Variants in LAMP5 observed in about 807,000 individuals in gnomAD.
LAMP5 encodes the protein lysosome-associated membrane glycoprotein 5.
A neutral mutation model predicts 30.2 loss-of-function variants in LAMP5; 36 were observed. The observed-to-expected ratio is 1.19, with a 90% confidence interval of 0.91 to 1.57. LAMP5 has a LOEUF of 1.57. Among genes scored for constraint, LAMP5 ranks in the 40% most tolerant of loss-of-function variants. LAMP5 has a pLI of 0.00. For missense variants in LAMP5, 377 were observed against 354.9 expected (o/e 1.06, Z -0.50); for synonymous variants, 149 against 134.6 (o/e 1.11, Z -0.74).
intron 4 of LAMP5, among the ~76,000 whole-genome samples, chr20:9,516,615 T>G (rs948737842): frequency 2.0e-5 from 3 of 152,022 alleles, no homozygotes; most frequent in Non-Finnish European, 2.9e-5. Flanking sequence ...AGATAAGAAG[T>G]CCCTTGAAGG....
rs186414732 is a variant in LAMP5 at position 9,515,644 on chromosome 20, C to A, written c.237+19C>A. The A allele has an allele frequency of 1.7e-5, 27 of 1,611,896 alleles. No individual in the cohort carries two copies. Among genetic ancestry groups the A allele is most frequent in the African/African-American group, 4.0e-5 (3 of 74,854 alleles). On this transcript the variant is annotated intron_variant, in intron 2 of 5. Transcript: ENST00000246070. ...CGTAGATGTAAGGAATCTTTCCCCC[C>A]CCTCAGCTTGCTCCTAGGGCTCCAG...
chr20:9,525,306 A>C (rs1054641688), intron 5 of LAMP5, among the ~76,000 whole-genome samples: 1 of 152,224 alleles, frequency 6.6e-6, no homozygotes, highest in Non-Finnish European at 1.5e-5. Context: ...TAAATGTATA[A>C]GACTTCTATC....
chr20:9,516,236 G>T lies in LAMP5; in HGVS notation c.370-20G>T, dbSNP rs1354135009. ...CAGACGCTGCGGGGACGATTGAAGC[G>T]CACCTCCCCGGCTCAACAGGAAAGC... On this transcript the variant is annotated intron_variant, in intron 3 of 5. Coordinates refer to ENST00000246070, the MANE Select transcript of LAMP5 (RefSeq NM_012261.4). 10 of 1,613,302 alleles carry T rather than the reference G, an allele frequency of 6.2e-6. No homozygotes were observed. Among genetic ancestry groups the T allele is most frequent in the Non-Finnish European group, 8.5e-6 (10 of 1,179,272 alleles).
intron 5 of LAMP5, among the ~76,000 whole-genome samples, chr20:9,526,858 G>A (rs989314010): frequency 2.2e-5 from 2 of 90,638 alleles, no homozygotes; most frequent in Non-Finnish European, 2.3e-5. Context: ...ATGTGTGTGT[G>A]TGTATATATA....
chr20:9,518,317 A>T (rs1302057124), intron 5 of LAMP5, 89 bp downstream of exon 5: 8 of 1,168,022 alleles, frequency 6.8e-6, no homozygotes, highest in African/African-American at 1.5e-5. Context: ...GGATGTTACC[A>T]CTTGGATTTC....
At chr20:9,524,308 A>T (rs1024517162) in intron 5 of LAMP5, among the ~76,000 whole-genome samples, 2 of 152,316 alleles carry the variant, frequency 1.3e-5, no homozygotes, top group South Asian at 2.1e-4. Flanking sequence ...CACAAAAAAG[A>T]TTACAACCTT....
At chr20:9,524,595 T>TAAAA (rs748114210) in intron 5 of LAMP5, among the ~76,000 whole-genome samples, 1,156 of 80,154 alleles carry the variant, frequency 0.014, 5 homozygotes, top group Non-Finnish European at 0.022. Context: ...CAGATCGAAC[T>TAAAA]AAAAAAAAAA....
chr20:9,529,902 A>G lies in LAMP5; in HGVS notation c.*82A>G, dbSNP rs2045139309. The G allele has an allele frequency of 5.9e-6, 8 of 1,356,808 alleles. No individual in the cohort carries two copies. Among genetic ancestry groups the G allele is most frequent in the Non-Finnish European group, 7.2e-6 (7 of 967,676 alleles). 84.0% of individuals were successfully genotyped at this position (1,356,808 alleles called of 1,614,324 possible). ...ACAAAAGCACTTTTCCATCTTGTAC[A>G]CGAGATACACCAACATAGCTACAAT... On this transcript the variant is annotated 3_prime_UTR_variant, in exon 6 of 6. Transcript: ENST00000246070.
chr20:9,515,541 G>A lies in LAMP5; in HGVS notation c.153G>A (p.Arg51=). ...CTGAAAAAGATATATTTGTGGTGCG[G>A]GAAAATGGGACGACGTGTCTCATGG... ...TNPEKDIFVV[R]ENGTTCLMAE... Residue 51 remains arginine (R), a synonymous_variant, in exon 2 of 6, where the codon CGG becomes CGA. Coordinates refer to ENST00000246070, the MANE Select transcript of LAMP5 (RefSeq NM_012261.4). The A allele has an allele frequency of 6.2e-7, 1 of 1,614,184 alleles. No individual in the cohort carries two copies. The highest frequency in any genetic ancestry group is 8.5e-7 in the Non-Finnish European group (1 of 1,180,032).
chr20:9,524,847 G>T (rs1158119818), intron 5 of LAMP5, among the ~76,000 whole-genome samples: 1 of 152,138 alleles, frequency 6.6e-6, no homozygotes, highest in Non-Finnish European at 1.5e-5. Context: ...GACAAAGTCA[G>T]GTTTTGCTGC....
intron 4 of LAMP5, among the ~76,000 whole-genome samples, chr20:9,517,621 A>ATGTGTGTGTGTGTGTGTGTG (rs3037127): frequency 0.011 from 1,590 of 149,202 alleles, 24 homozygotes; most frequent in African/African-American, 0.035. Flanking sequence ...TTGTAAATGT[A>ATGTGTGTGTGTGTGTGTGTG]TGTGTGTGTG....
At chr20:9,525,001 T>C (rs1240320423) in intron 5 of LAMP5, among the ~76,000 whole-genome samples, 1 of 152,216 alleles carries the variant, frequency 6.6e-6, no homozygotes, top group Non-Finnish European at 1.5e-5. Context: ...GTAGTAGCTA[T>C]GATACTTTTT....
intron 1 of LAMP5, among the ~76,000 whole-genome samples, chr20:9,515,239 AT>A (rs982904804): frequency 8.4e-5 from 12 of 143,488 alleles, no homozygotes; most frequent in African/African-American, 3.4e-4. Context: ...CAAAGTCAGG[AT>A]TTTTAATTTT....
At chr20:9,524,306 A>G (rs1443471030) in intron 5 of LAMP5, among the ~76,000 whole-genome samples, 3 of 152,194 alleles carry the variant, frequency 2.0e-5, no homozygotes, top group Admixed American at 2.0e-4. Flanking sequence ...TGCACAAAAA[A>G]GATTACAACC....
At chr20:9,521,611 T>C (rs578182530) in intron 5 of LAMP5, among the ~76,000 whole-genome samples, 7 of 152,286 alleles carry the variant, frequency 4.6e-5, no homozygotes, top group Admixed American at 1.3e-4. Flanking sequence ...CTATCACCCC[T>C]GCAATCTGAA....
chr20:9,514,778 G>C lies in LAMP5; in HGVS notation c.-75G>C. On this transcript the variant is annotated 5_prime_UTR_variant, in exon 1 of 6. Coordinates refer to ENST00000246070, the MANE Select transcript of LAMP5 (RefSeq NM_012261.4). ...CTCTCGCTCACCCCGGCCCACTCCA[G>C]CGGCGACTTTGAGGGATTCCCTCTC... 4.9e-6 allele frequency: 7 copies of C among 1,417,404 alleles called. No individual in the cohort carries two copies. Among genetic ancestry groups the C allele is most frequent in the Non-Finnish European group, 6.9e-6 (7 of 1,008,644 alleles). The allele number at this position is 1,417,404 out of a possible 1,614,324, so 87.8% of individuals were successfully genotyped here. A position where few individuals can be genotyped will look rare whatever the true frequency, so the allele number is the denominator to read the frequency against.
In LAMP5 at chr20:9,514,738, T is replaced by A; in HGVS notation, c.-115T>A. The A allele has an allele frequency of 6.1e-5, 47 of 775,120 alleles. No homozygotes were observed. The highest frequency in any genetic ancestry group is 8.4e-5 in the Non-Finnish European group (40 of 475,136). The allele number at this position is 775,120 out of a possible 1,614,324, so 48.0% of individuals were successfully genotyped here. A position where few individuals can be genotyped will look rare whatever the true frequency, so the allele number is the denominator to read the frequency against. ...AGAATACGCGCTCCCTCCCTCCCCCTTCTCTGTCCCCCGCCTCTCGCTCAC... is the reference window on the plus strand; with the variant it reads ...AGAATACGCGCTCCCTCCCTCCCCCATCTCTGTCCCCCGCCTCTCGCTCAC... On this transcript the variant is annotated 5_prime_UTR_variant, in exon 1 of 6. Transcript: ENST00000246070.
In LAMP5 at chr20:9,516,054, C is replaced by T. The variant is rs1282938172; in HGVS notation, c.292C>T (p.Arg98Cys). The change falls in exon 3 of 6, where the codon CGC (arginine) becomes TGC (cysteine). Residue 98 changes from arginine to cysteine, a missense_variant. Transcript: ENST00000246070. ...GACCCGGGGAGCTGAGGTGAAGGGC[C>T]GCTGTGGCCACAGCCAGTCGGAGCT... ...ALTRGAEVKG[R>C]CGHSQSELQV... 3 of 1,541,066 alleles carry T rather than the reference C, an allele frequency of 1.9e-6. No individual in the cohort carries two copies. In the East Asian group the frequency reaches 6.8e-5, roughly 35 times the overall value.
intron 5 of LAMP5, among the ~76,000 whole-genome samples, chr20:9,526,899 T>TACAC (rs1184972409): frequency 8.2e-5 from 10 of 122,384 alleles, no homozygotes; most frequent in African/African-American, 3.3e-4. Context: ...TATATATATA[T>TACAC]ATACACACAC....
Sources: gnomAD v4.1 joint callset for allele counts (sites outside exome capture counted in the v4.1 genomes callset) on GRCh38, gnomAD v4.1.1 for gene constraint, MANE v1.5 for transcripts, NCBI Gene and HGNC (gene_info 2026-07-23, HGNC 2026-07-21) for gene names.